The following TBC1D1 variants were observed in gnomAD, a reference collection of about 807,000 sequenced individuals.
TBC1D1 encodes the protein TBC1 (tre-2/USP6, BUB2, cdc16) domain family, member 1.
TBC1D1 carries 89 observed loss-of-function variants against 125.6 expected under a neutral mutation model. The observed-to-expected ratio is 0.71, with a 90% CI of 0.60 to 0.85. TBC1D1 has a LOEUF of 0.85. Ranked by LOEUF, TBC1D1 falls within the 40% of genes least tolerant of loss-of-function variation. TBC1D1 has a pLI of 0.00. For synonymous variants in TBC1D1, 565 were observed against 564.1 expected (o/e 1.00, Z -0.02); for missense variants, 1,377 against 1,469.2 (o/e 0.94, Z 1.03).
intron 16 of TBC1D1, among the ~76,000 whole-genome samples, chr4:38,117,336 C>T (rs150821750): frequency 1.3e-5 from 2 of 152,112 alleles, no homozygotes; most frequent in African/African-American, 4.8e-5. Flanking sequence ...GGCTGGCTCT[C>T]GGGCCTCTGT....
chr4:38,033,162 A>G (rs569378801), intron 7 of TBC1D1, among the ~76,000 whole-genome samples: 3 of 152,342 alleles, frequency 2.0e-5, no homozygotes, highest in African/African-American at 7.2e-5. Flanking sequence ...GGAAAAATAT[A>G]TTAATACTCC....
Position 38,021,566 on chromosome 4 carries a change from C to T in TBC1D1, c.1078-20C>T. 1 of 1,499,214 alleles carries T rather than the reference C, an allele frequency of 6.7e-7. No individual in the cohort carries two copies. The highest frequency in any genetic ancestry group is 8.9e-7 in the Non-Finnish European group (1 of 1,122,876). The allele number at this position is 1,499,214 out of a possible 1,614,324, so 92.9% of individuals were successfully genotyped here. ...CAAATTGACTTTTTGGTGACTACAA[C>T]TTCTCTTCTCTTTGATTAGGTTGAT... On this transcript the variant is annotated intron_variant, in intron 5 of 19. Coordinates refer to ENST00000261439, the MANE Select transcript of TBC1D1 (RefSeq NM_015173.4).
At chr4:38,033,308 G>A (rs941610283) in intron 7 of TBC1D1, among the ~76,000 whole-genome samples, 15 of 152,072 alleles carry the variant, frequency 9.9e-5, no homozygotes, top group African/African-American at 3.6e-4. Flanking sequence ...GAAAGAGTGG[G>A]CCAACCATCA....
At chr4:37,931,771 C>T (rs550317791) in intron 2 of TBC1D1, among the ~76,000 whole-genome samples, 101 of 152,308 alleles carry the variant, frequency 6.6e-4, no homozygotes, top group African/African-American at 2.0e-3. Flanking sequence ...CCACTGCGCC[C>T]GGCCTTTCCA....
chr4:38,105,974 C>T lies in TBC1D1; in HGVS notation c.2557+2817C>T, dbSNP rs373973485. ...ATACTCAGTAATGGGATTGCAGGGT[C>T]GAATGGTAATTCAGCTCTTAGCAGA... On this transcript the variant is annotated intron_variant, in intron 15 of 19. Coordinates refer to ENST00000261439, the MANE Select transcript of TBC1D1 (RefSeq NM_015173.4). Among the ~76,000 whole-genome samples the T allele has an allele frequency of 1.1e-3, 173 of 152,206 alleles. 6 individuals are homozygous for T. In the South Asian group the frequency reaches 0.031, roughly 28 times the overall value.
rs1464784350 is a variant in TBC1D1 at position 37,993,731 on chromosome 4, G to A, written c.418-20778G>A. Among the ~76,000 whole-genome samples the A allele has an allele frequency of 3.9e-5, 6 of 152,260 alleles. No homozygotes were observed. The South Asian group carries it at 6.2e-4, about 16-fold the overall frequency. ...CAAGTAGCTGGGATTACAGGCGCCCGCCACCGTACCCAGCTAATTTTTGTA... is the reference window on the plus strand; with the variant it reads ...CAAGTAGCTGGGATTACAGGCGCCCACCACCGTACCCAGCTAATTTTTGTA... On this transcript the variant is annotated intron_variant, in intron 2 of 19. Transcript: ENST00000261439.
chr4:38,039,950 G>GT (rs113070415), intron 8 of TBC1D1, among the ~76,000 whole-genome samples: 11,246 of 145,068 alleles, frequency 0.078, 479 homozygotes, highest in Admixed American at 0.12. Context: ...CCCCATCTCT[G>GT]TTTTTTTTTT....
At chr4:37,928,838 C>T (rs1722687954) in intron 2 of TBC1D1, among the ~76,000 whole-genome samples, 1 of 152,232 alleles carries the variant, frequency 6.6e-6, no homozygotes, top group Admixed American at 6.5e-5. Context: ...CCATCATGGC[C>T]ACTTAATTTC....
In TBC1D1 at chr4:37,977,642, CGG is replaced by C. The variant is rs1182427286; in HGVS notation, c.418-36862_418-36861del. On this transcript the variant is annotated intron_variant, in intron 2 of 19. Coordinates refer to ENST00000261439, the MANE Select transcript of TBC1D1 (RefSeq NM_015173.4). The surrounding 1 kb of genome is among the most constrained non-coding windows in gnomAD (Gnocchi z 4.3). Reference sequence around the variant, plus strand: ...CCGGGCCGCTGGAGGCCAGGCGCGGCGGGGGGCGAGCGGCGGGCGCGACCAGG... The same window carrying C: ...CCGGGCCGCTGGAGGCCAGGCGCGGCGGGGCGAGCGGCGGGCGCGACCAGG... 1 of 214,692 alleles carries C rather than the reference CGG, an allele frequency of 4.7e-6. No individual in the cohort carries two copies. Among genetic ancestry groups the C allele is most frequent in the African/African-American group, 2.4e-5 (1 of 42,240 alleles). The allele number at this position is 214,692 out of a possible 1,614,324, so 13.3% of individuals were successfully genotyped here. A position where few individuals can be genotyped will look rare whatever the true frequency, so the allele number is the denominator to read the frequency against.
intron 8 of TBC1D1, among the ~76,000 whole-genome samples, chr4:38,041,374 G>T (rs1441192507): frequency 6.6e-6 from 1 of 152,164 alleles, no homozygotes; most frequent in African/African-American, 2.4e-5. Context: ...ACATGAATTT[G>T]TACCATTCAG....
intron 2 of TBC1D1, among the ~76,000 whole-genome samples, chr4:37,973,186 G>A (rs551301094): frequency 6.6e-6 from 1 of 152,296 alleles, no homozygotes; most frequent in Admixed American, 6.5e-5. Context: ...GGATTAGGAA[G>A]GAAGACTTGG....
chr4:38,046,690 G>A (rs1343612694), intron 10 of TBC1D1, among the ~76,000 whole-genome samples: 1 of 152,118 alleles, frequency 6.6e-6, no homozygotes, highest in Non-Finnish European at 1.5e-5. Context: ...CCTGTAGCTG[G>A]CTCTATGATT....
At chr4:37,926,219 G>A (rs1722082337) in intron 2 of TBC1D1, among the ~76,000 whole-genome samples, 1 of 152,216 alleles carries the variant, frequency 6.6e-6, no homozygotes, top group African/African-American at 2.4e-5. Context: ...AGGCAGAAAT[G>A]ACACTGGATT....
chr4:38,017,424 C>T (rs187066245), intron 3 of TBC1D1, among the ~76,000 whole-genome samples: 185 of 152,176 alleles, frequency 1.2e-3, no homozygotes, highest in African/African-American at 4.4e-3. Context: ...ACCTGCCACT[C>T]TCTGCTGGCT....
intron 18 of TBC1D1, among the ~76,000 whole-genome samples, chr4:38,128,661 C>T (rs1200197955): frequency 1.3e-5 from 2 of 152,176 alleles, no homozygotes; most frequent in East Asian, 3.9e-4. Context: ...AAGGACAGGG[C>T]TCTGGAGCTC....
intron 2 of TBC1D1, among the ~76,000 whole-genome samples, chr4:37,942,976 G>A (rs1247576235): frequency 1.3e-5 from 2 of 152,204 alleles, no homozygotes; most frequent in African/African-American, 2.4e-5. Flanking sequence ...GCTGGTACCA[G>A]TTGTTCCTTT....
chr4:38,124,465 T>G (rs1362925900), intron 17 of TBC1D1, among the ~76,000 whole-genome samples: 2 of 152,238 alleles, frequency 1.3e-5, no homozygotes, highest in Non-Finnish European at 2.9e-5. Flanking sequence ...TCAGTAAACT[T>G]GTATTTAACA....
At chr4:38,107,215 G>T (rs371988324) in intron 15 of TBC1D1, among the ~76,000 whole-genome samples, 2 of 152,158 alleles carry the variant, frequency 1.3e-5, no homozygotes, top group African/African-American at 4.8e-5. Flanking sequence ...GCCTAGACCC[G>T]GCAGTGGAGT....
chr4:38,093,074 G>A (rs576511899), intron 13 of TBC1D1, among the ~76,000 whole-genome samples: 1 of 152,288 alleles, frequency 6.6e-6, no homozygotes, highest in African/African-American at 2.4e-5. Context: ...GCGACATTGA[G>A]CATAAAGACA....
Sources: gnomAD v4.1 joint callset for allele counts (sites outside exome capture counted in the v4.1 genomes callset) on GRCh38, gnomAD v4.1.1 for gene constraint, Gnocchi (gnomAD v3.1) non-coding constraint, MANE v1.5 for transcripts, NCBI Gene and HGNC (gene_info 2026-07-23, HGNC 2026-07-21) for gene names.